Variants in CDKN3 observed in about 807,000 individuals in gnomAD.
CDKN3 encodes the protein cyclin-dependent kinase inhibitor 3.
In CDKN3, 19 loss-of-function variants were observed where a neutral mutation model predicts 36.1. The observed-to-expected ratio is 0.53, with a 90% CI of 0.37 to 0.77. The LOEUF (loss-of-function observed/expected upper bound fraction) is 0.77. CDKN3 is among the 30% of genes least tolerant of loss of function. The pLI is 0.00. For synonymous variants in CDKN3, 71 were observed against 85.3 expected (o/e 0.83, Z 0.92); for missense variants, 188 against 248.6 (o/e 0.76, Z 1.64).
intron 4 of CDKN3, chr14:54,411,250 G>A: frequency 2.4e-6 from 1 of 416,774 alleles, no homozygotes; most frequent in Non-Finnish European, 4.3e-6. Flanking sequence ...TTTTTTGCAA[G>A]AACAGCAATT....
intron 6 of CDKN3, among the ~76,000 whole-genome samples, chr14:54,417,295 A>G (rs2030583518): frequency 6.6e-6 from 1 of 152,262 alleles, no homozygotes; most frequent in African/African-American, 2.4e-5. Context: ...TGGCATATCT[A>G]TACAATGGAA....
chr14:54,402,066 G>A (rs2029965809), intron 3 of CDKN3, among the ~76,000 whole-genome samples: 1 of 151,930 alleles, frequency 6.6e-6, no homozygotes, highest in South Asian at 2.1e-4. Flanking sequence ...AAATTAGCTG[G>A]GCATGGTGGC....
At chr14:54,409,921 CA>C (rs1314124867) in intron 4 of CDKN3, among the ~76,000 whole-genome samples, 2 of 151,596 alleles carry the variant, frequency 1.3e-5, no homozygotes, top group African/African-American at 4.8e-5. Flanking sequence ...CCTTACCTAC[CA>C]AAAAAAGACT....
chr14:54,403,814 AT>A (rs2030048610), intron 3 of CDKN3, among the ~76,000 whole-genome samples: 2 of 152,056 alleles, frequency 1.3e-5, no homozygotes, highest in Non-Finnish European at 2.9e-5. Flanking sequence ...TTTGTCACTG[AT>A]TCTGTTTATG....
chr14:54,413,557 T>C, intron 5 of CDKN3: 2 of 1,293,464 alleles, frequency 1.5e-6, no homozygotes, highest in Middle Eastern at 1.8e-4. Context: ...AATGTTTCAG[T>C]CTCCCATAAA....
Position 54,415,911 on chromosome 14 carries a change from A to T in CDKN3, c.429A>T (p.Gly143=), listed in dbSNP as rs757850797. Residue 143 remains glycine (G), a synonymous_variant, in exon 6 of 8, where the codon GGA becomes GGT. Transcript: ENST00000335183. ...YRKTLIHCYG[G]LGRSCLVAAC... is the part of the protein sequence containing the mutation. ...ATTTCCCTTTCAGCTGCTATGGAGG[A>T]CTTGGGAGATCTTGTCTTGGTAAGA... 4.9e-5 allele frequency: 78 copies of T among 1,604,072 alleles called. No individual in the cohort carries two copies. In the East Asian group the frequency reaches 1.7e-3, roughly 36 times the overall value.
At chr14:54,402,032 AC>A (rs2029964298) in intron 3 of CDKN3, among the ~76,000 whole-genome samples, 1 of 151,892 alleles carries the variant, frequency 6.6e-6, no homozygotes, top group South Asian at 2.1e-4. Context: ...ACATGGTGAA[AC>A]CCCGTCTCTA....
At chr14:54,404,491 C>CA (rs2030076689) in intron 3 of CDKN3, among the ~76,000 whole-genome samples, 5 of 151,904 alleles carry the variant, frequency 3.3e-5, no homozygotes, top group Admixed American at 1.3e-4. Flanking sequence ...TTAATCATTT[C>CA]AAAAAAACCA....
At chr14:54,402,334 GTA>G (rs2029987749) in intron 3 of CDKN3, among the ~76,000 whole-genome samples, 1 of 150,218 alleles carries the variant, frequency 6.7e-6, no homozygotes, top group African/African-American at 2.5e-5. Context: ...GTGTGTGTGT[GTA>G]TGTATATCTC....
chr14:54,413,892 T>C, intron 5 of CDKN3: 1 of 1,245,550 alleles, frequency 8.0e-7, no homozygotes, highest in Non-Finnish European at 1.0e-6. Flanking sequence ...AACAGAAATT[T>C]CTTCTTTCCC....
intron 6 of CDKN3, among the ~76,000 whole-genome samples, chr14:54,416,923 G>A (rs2030572913): frequency 6.6e-6 from 1 of 152,210 alleles, no homozygotes. Context: ...GTAAGCACAT[G>A]AGAAGATGCT....
chr14:54,415,864 A>C, intron 5 of CDKN3, 35 bp from the exon 6 acceptor site: 1 of 1,543,650 alleles, frequency 6.5e-7, no homozygotes, highest in East Asian at 2.2e-5. Context: ...GATGGAATGA[A>C]ATGTACAAAC....
intron 2 of CDKN3, 31 bp from the exon 3 acceptor site, chr14:54,401,493 A>G: frequency 6.5e-7 from 1 of 1,535,934 alleles, no homozygotes; most frequent in Non-Finnish European, 9.0e-7. Context: ...TAAAAACTTA[A>G]CTAAACATGA....
intron 3 of CDKN3, among the ~76,000 whole-genome samples, chr14:54,407,129 C>T (rs578028214): frequency 6.6e-6 from 1 of 152,262 alleles, no homozygotes; most frequent in Non-Finnish European, 1.5e-5. Context: ...GGAGTTTGCT[C>T]GAGGTCCACT....
intron 4 of CDKN3, among the ~76,000 whole-genome samples, chr14:54,409,153 A>G (rs1295301922): frequency 6.6e-6 from 1 of 152,174 alleles, no homozygotes; most frequent in Non-Finnish European, 1.5e-5. Flanking sequence ...GAAATTAAAC[A>G]TGAGCTGGGA....
At chr14:54,415,586 A>C (rs1014736081) in intron 5 of CDKN3, among the ~76,000 whole-genome samples, 3 of 152,218 alleles carry the variant, frequency 2.0e-5, no homozygotes, top group Non-Finnish European at 4.4e-5. Context: ...AATCAAAGTG[A>C]CAGTTGGTAA....
chr14:54,401,609 A>G (rs747450800), intron 3 of CDKN3, 30 bp downstream of exon 3: 16 of 1,426,312 alleles, frequency 1.1e-5, no homozygotes, highest in South Asian at 9.9e-5. Flanking sequence ...GCTTCCTATC[A>G]ATATGTATAT....
At chr14:54,406,475 C>T (rs930161795) in intron 3 of CDKN3, among the ~76,000 whole-genome samples, 4 of 152,180 alleles carry the variant, frequency 2.6e-5, no homozygotes, top group African/African-American at 7.2e-5. Context: ...TTCAGGTACA[C>T]CAGTCAAACA....
chr14:54,417,267 G>A (rs4251659), intron 6 of CDKN3, among the ~76,000 whole-genome samples: 2,796 of 152,194 alleles, frequency 0.018, 89 homozygotes, highest in African/African-American at 0.063. Context: ...ATCAGTTGAC[G>A]AACAGATAAA....
Sources: allele counts gnomAD v4.1 joint callset (sites outside exome capture counted in the v4.1 genomes callset), GRCh38; gene constraint gnomAD v4.1.1; transcripts MANE v1.5; gene names NCBI Gene and HGNC (gene_info 2026-07-23, HGNC 2026-07-21).